Variants in ACO2 observed in about 807,000 individuals in gnomAD.
ACO2 encodes aconitate hydratase, mitochondrial.
ACO2 carries 31 observed loss-of-function variants against 84.5 expected under a neutral mutation model. That is an observed-to-expected ratio of 0.37 (90% confidence interval 0.28 to 0.50). The LOEUF is 0.50. ACO2 is among the 20% of genes least tolerant of loss of function. The pLI is 0.97. For synonymous variants in ACO2, 414 were observed against 412.7 expected (o/e 1.00, Z -0.04); for missense variants, 685 against 1,029.3 (o/e 0.67, Z 4.58).
intron 2 of ACO2, among the ~76,000 whole-genome samples, chr22:41,504,498 T>C (rs2066377576): frequency 6.6e-6 from 1 of 152,178 alleles, no homozygotes; most frequent in African/African-American, 2.4e-5. Context: ...AATCATTTGC[T>C]TCCAAGGTCT....
At chr22:41,506,446 T>C (rs958129689) in intron 2 of ACO2, among the ~76,000 whole-genome samples, 4 of 152,010 alleles carry the variant, frequency 2.6e-5, no homozygotes, top group Admixed American at 2.6e-4. Context: ...GTAGAGACAG[T>C]GTTTCACCAT....
chr22:41,520,784 A>G (rs1006502303), intron 9 of ACO2, among the ~76,000 whole-genome samples: 21 of 151,392 alleles, frequency 1.4e-4, no homozygotes, highest in African/African-American at 4.1e-4. Context: ...GGAGGTTGCA[A>G]TGAACCGAGA....
rs1569022328 is a variant in ACO2, at chr22:41,524,872, A to C, written c.1509A>C (p.Gly503=). ...TTGTCACAGCCCTGGCCATTGCGGGAACCCTCAAGTTCAACCCAGAGACCG... is the reference window on the plus strand; with the variant it reads ...TTGTCACAGCCCTGGCCATTGCGGGCACCCTCAAGTTCAACCCAGAGACCG... ...PEIVTALAIA[G]TLKFNPETDY... is the part of the protein sequence containing the mutation. Residue 503 remains glycine, a synonymous_variant, in exon 13 of 18, where the codon GGA becomes GGC. Transcript: ENST00000216254. 6.2e-7 allele frequency: 1 copy of C among 1,614,202 alleles called. No homozygotes were observed. Among genetic ancestry groups the C allele is most frequent in the Non-Finnish European group, 8.5e-7 (1 of 1,180,048 alleles).
chr22:41,515,659 G>A lies in ACO2; in HGVS notation c.685-108G>A. ...TTAGACTCGAATCTTCTGGGAGGGA[G>A]GTAGAGACCAATAAGCAGCAATGTG... On this transcript the variant is annotated intron_variant, in intron 5 of 17. Coordinates refer to ENST00000216254, the MANE Select transcript of ACO2 (RefSeq NM_001098.3). This position sits in a 1 kb window ranked among gnomAD's most constrained non-coding sequence, Gnocchi z 5.8. 1.3e-6 allele frequency: 2 copies of A among 1,593,256 alleles called. No homozygotes were observed. The highest frequency in any genetic ancestry group is 2.2e-5 in the South Asian group (2 of 89,198).
At chr22:41,524,025 G>T (rs1474329732) in intron 12 of ACO2, 84 bp downstream of exon 12, 9 of 1,205,892 alleles carry the variant, frequency 7.5e-6, no homozygotes, top group Non-Finnish European at 9.6e-6. Flanking sequence ...AGGAGATGGG[G>T]ACTGGGGTCA....
intron 1 of ACO2, among the ~76,000 whole-genome samples, chr22:41,488,195 G>A (rs1312019997): frequency 2.6e-5 from 4 of 152,272 alleles, no homozygotes; most frequent in Admixed American, 2.0e-4. Flanking sequence ...GGGGCCCCAT[G>A]GTGGTGTTCC....
intron 13 of ACO2, 77 bp from the exon 14 acceptor site, chr22:41,525,116 G>A: frequency 6.3e-7 from 1 of 1,595,172 alleles, no homozygotes; most frequent in Admixed American, 1.7e-5. Flanking sequence ...GGGGCCCGAG[G>A]AAACTTGCCT....
chr22:41,476,513 G>A (rs1227974123), intron 1 of ACO2, among the ~76,000 whole-genome samples: 1 of 151,408 alleles, frequency 6.6e-6, no homozygotes, highest in Non-Finnish European at 1.5e-5. Context: ...TTTGAGACCA[G>A]CCTGACCAAC....
intron 1 of ACO2, among the ~76,000 whole-genome samples, chr22:41,492,170 A>G (rs1052554425): frequency 6.6e-6 from 1 of 152,258 alleles, no homozygotes; most frequent in Non-Finnish European, 1.5e-5. Flanking sequence ...CATGGAACAG[A>G]TGCTTAATTA....
chr22:41,521,035 C>CAAAAAAAAAAAAAAAA (rs375633363), intron 9 of ACO2, among the ~76,000 whole-genome samples: 1 of 81,632 alleles, frequency 1.2e-5, no homozygotes, highest in Non-Finnish European at 2.2e-5. Context: ...AGCCTGCCTC[C>CAAAAAAAAAAAAAAAA]AAAAAAAAAA....
rs140358463 is a variant in ACO2, at chr22:41,523,994, C to A, written c.1482+53C>A. ...TGGGATGGCCTCTGGGGGTCCCTGG[C>A]GGGTCAGAGGAGGAGGCAGAAGGAG... On this transcript the variant is annotated intron_variant, in intron 12 of 17. Coordinates refer to ENST00000216254, the MANE Select transcript of ACO2 (RefSeq NM_001098.3). The A allele has an allele frequency of 2.6e-6, 4 of 1,531,672 alleles. No individual in the cohort carries two copies. In the South Asian group the frequency reaches 3.4e-5, roughly 13 times the overall value. The allele number at this position is 1,531,672 out of a possible 1,614,324, so 94.9% of individuals were successfully genotyped here.
At chr22:41,470,739 C>T (rs374356256) in intron 1 of ACO2, among the ~76,000 whole-genome samples, 39 of 152,092 alleles carry the variant, frequency 2.6e-4, no homozygotes, top group African/African-American at 6.0e-4. Flanking sequence ...GACGGGGTTT[C>T]ACCCTGTTGA....
At chr22:41,502,816 G>T (rs1486613134) in intron 2 of ACO2, among the ~76,000 whole-genome samples, 1 of 152,096 alleles carries the variant, frequency 6.6e-6, no homozygotes. Flanking sequence ...CACCATGTTG[G>T]CCAGGCTGGT....
At chr22:41,528,147 T>C in intron 17 of ACO2, 125 bp downstream of exon 17, 1 of 1,430,658 alleles carries the variant, frequency 7.0e-7, no homozygotes, top group Admixed American at 2.1e-5. Flanking sequence ...CCCCCAGTTC[T>C]CCAGGTGGCC....
Position 41,524,919 on chromosome 22 carries a change from G to C in ACO2, c.1556G>C (p.Gly519Ala). ...PETDYLTGTD[G>A]KKFRLEAPDA... ...ACCGACTACCTGACGGGCACGGATG[G>C]CAAGAAGTTCAGGCTGGAGGCTCCG... The change falls in exon 13 of 18, where the codon GGC (glycine) becomes GCC (alanine). Residue 519 changes from glycine to alanine, a missense_variant. Around this residue, in one of 5 missense-constraint regions of ACO2, gnomAD observed 311 missense variants for 441.6 expected, o/e 0.70. Coordinates refer to ENST00000216254, the MANE Select transcript of ACO2 (RefSeq NM_001098.3). 6.2e-7 allele frequency: 1 copy of C among 1,614,218 alleles called. No individual in the cohort carries two copies.
At chr22:41,517,732 C>T in intron 7 of ACO2, 101 bp downstream of exon 7, 2 of 1,040,682 alleles carry the variant, frequency 1.9e-6, no homozygotes, top group South Asian at 1.3e-5. Context: ...GGTTCTTAAC[C>T]CATTGTCTCC....
At position 41,527,121 on chromosome 22, in the gene ACO2, G is replaced by A. The variant is rs1334766435; in HGVS notation, c.1954-167G>A. ...GCCTCGTTTGGGTCTCATTCACGCA[G>A]GCTTCACTTGCCCTTAGGCAGCAGG... On this transcript the variant is annotated intron_variant, in intron 15 of 17. Transcript: ENST00000216254. 4.1e-6 allele frequency: 4 copies of A among 985,188 alleles called. No homozygotes were observed. In the Admixed American group the frequency reaches 1.0e-4, roughly 26 times the overall value. 61.0% of individuals were successfully genotyped at this position (985,188 alleles called of 1,614,324 possible).
chr22:41,524,094 C>T (rs1020113521), intron 12 of ACO2, among the ~76,000 whole-genome samples, 153 bp downstream of exon 12: 29 of 152,144 alleles, frequency 1.9e-4, no homozygotes, highest in African/African-American at 6.8e-4. Flanking sequence ...CTTGGTGCTT[C>T]CTGCCTGGGG....
intron 1 of ACO2, among the ~76,000 whole-genome samples, chr22:41,487,045 G>A (rs1220383057): frequency 4.0e-5 from 6 of 151,846 alleles, no homozygotes; most frequent in African/African-American, 9.7e-5. Context: ...CACTACGTCC[G>A]GCTAATTTTT....
Sources: gnomAD v4.1 joint callset for allele counts (sites outside exome capture counted in the v4.1 genomes callset) on GRCh38, gnomAD v4.1.1 for gene constraint, gnomAD v4.1.1 regional missense constraint, Gnocchi (gnomAD v3.1) non-coding constraint, MANE v1.5 for transcripts, NCBI Gene and HGNC (gene_info 2026-07-23, HGNC 2026-07-21) for gene names.